Variants in TLE4 observed in about 807,000 individuals in gnomAD.
TLE4 encodes the protein transducin-like enhancer protein 4.
Under a neutral mutation model 92.8 loss-of-function variants are expected in TLE4, and 8 were observed. The observed-to-expected ratio is 0.09, with a 90% CI of 0.05 to 0.16. The LOEUF is 0.16. Among genes scored for constraint, TLE4 ranks in the 10% least tolerant of loss-of-function variants. TLE4 has a pLI of 1.00. For synonymous variants in TLE4, 371 were observed against 374.1 expected, an observed-to-expected ratio of 0.99 and a Z score of 0.10; for missense variants, 675 against 997.6, an observed-to-expected ratio of 0.68 and a Z score of 4.36.
chr9:79,691,987 G>A (rs1184148878), intron 8 of TLE4, among the ~76,000 whole-genome samples: 5 of 152,104 alleles, frequency 3.3e-5, no homozygotes, highest in Non-Finnish European at 5.9e-5. Flanking sequence ...GTGCCTTAGG[G>A]CCCAGCAGAA....
At chr9:79,678,770 C>A (rs967719416) in intron 8 of TLE4, among the ~76,000 whole-genome samples, 5 of 151,820 alleles carry the variant, frequency 3.3e-5, no homozygotes, top group Admixed American at 1.3e-4. Context: ...ATCCCTCCCC[C>A]CTGCCCCCAC....
At chr9:79,671,331 T>C in intron 8 of TLE4, 1 of 450,604 alleles carries the variant, frequency 2.2e-6, no homozygotes, top group Non-Finnish European at 4.5e-6. Flanking sequence ...TGTTGTGTGC[T>C]TCTACTGGTA....
chr9:79,678,248 C>A (rs3898860), intron 8 of TLE4, among the ~76,000 whole-genome samples: 3,631 of 152,136 alleles, frequency 0.024, 148 homozygotes, highest in African/African-American at 0.082. Flanking sequence ...ATTCTTTTGT[C>A]ATAATCCTGA....
chr9:79,586,403 T>C (rs528388379), intron 4 of TLE4, among the ~76,000 whole-genome samples: 1 of 152,156 alleles, frequency 6.6e-6, no homozygotes, highest in African/African-American at 2.4e-5. Flanking sequence ...CTTCTGAAAT[T>C]GTATGAATTA....
At chr9:79,669,251 T>G (rs753581588) in intron 8 of TLE4, among the ~76,000 whole-genome samples, 17 of 152,148 alleles carry the variant, frequency 1.1e-4, no homozygotes, top group Non-Finnish European at 2.1e-4. Flanking sequence ...CTGAACAGTT[T>G]ATCTAAATAG....
At chr9:79,615,163 C>T (rs1038749603) in intron 5 of TLE4, among the ~76,000 whole-genome samples, 1 of 152,004 alleles carries the variant, frequency 6.6e-6, no homozygotes, top group African/African-American at 2.4e-5. Flanking sequence ...TGCTTCTGCC[C>T]TGAAGCCAGA....
intron 9 of TLE4, among the ~76,000 whole-genome samples, chr9:79,705,630 A>C (rs2071327876): frequency 6.6e-6 from 1 of 152,230 alleles, no homozygotes; most frequent in South Asian, 2.1e-4. Flanking sequence ...CATCAGCTTC[A>C]AGTTTGTAAC....
rs1437522426 is a variant in TLE4, at chr9:79,708,014, CTTCCAT to C, written c.937-100_937-95del. 5 of 1,239,852 alleles carry C rather than the reference CTTCCAT, an allele frequency of 4.0e-6. No homozygotes were observed. The African/African-American group carries it at 6.1e-5, about 15-fold the overall frequency. 76.8% of individuals were successfully genotyped at this position (1,239,852 alleles called of 1,614,324 possible). Reference sequence around the variant, plus strand: ...AATCAAGGCCCAAGCTGAAGAACCTCTTCCATTTCTTTTCCTCCTTTCCTTTTCTTT... The same window carrying C: ...AATCAAGGCCCAAGCTGAAGAACCTCTTCTTTTCCTCCTTTCCTTTTCTTT... On this transcript the variant is annotated intron_variant, in intron 11 of 19. Coordinates refer to ENST00000376552, the MANE Select transcript of TLE4 (RefSeq NM_007005.6).
At chr9:79,692,499 A>G (rs568020118) in intron 8 of TLE4, among the ~76,000 whole-genome samples, 2 of 152,336 alleles carry the variant, frequency 1.3e-5, no homozygotes, top group South Asian at 2.1e-4. Context: ...AGAAACAATC[A>G]TGAAAGGAAG....
intron 2 of TLE4, chr9:79,574,129 C>G (rs2036902907): frequency 4.6e-5 from 8 of 173,696 alleles, no homozygotes. Flanking sequence ...CTTTATTACT[C>G]CGGACTTGAT....
At chr9:79,614,611 A>T (rs1335100707) in intron 5 of TLE4, among the ~76,000 whole-genome samples, 10 of 152,154 alleles carry the variant, frequency 6.6e-5, no homozygotes, top group African/African-American at 2.2e-4. Flanking sequence ...AACTGTTGTC[A>T]TACCACTTAA....
intron 8 of TLE4, among the ~76,000 whole-genome samples, chr9:79,701,484 T>A (rs1449375055): frequency 6.6e-6 from 1 of 152,236 alleles, no homozygotes; most frequent in Admixed American, 6.5e-5. Context: ...TTTTTCCTCT[T>A]AAACAATGTG....
chr9:79,676,705 G>C (rs556421614), intron 8 of TLE4, among the ~76,000 whole-genome samples: 97 of 152,238 alleles, frequency 6.4e-4, no homozygotes, highest in Non-Finnish European at 1.3e-3. Flanking sequence ...CCTTATCTAT[G>C]ACGTCTGTTC....
chr9:79,658,277 T>C (rs2060040418), intron 8 of TLE4, among the ~76,000 whole-genome samples: 2 of 152,226 alleles, frequency 1.3e-5, no homozygotes, highest in Admixed American at 1.3e-4. Flanking sequence ...GTAATTTTTG[T>C]TGGCATAATG....
At chr9:79,627,287 C>G in intron 5 of TLE4, 87 bp from the exon 6 acceptor site, 1 of 1,359,974 alleles carries the variant, frequency 7.4e-7, no homozygotes, top group East Asian at 2.3e-5. Flanking sequence ...TTGCATGTAA[C>G]TGAAGTTAGA....
At chr9:79,661,850 G>T (rs1372056457) in intron 8 of TLE4, among the ~76,000 whole-genome samples, 1 of 152,140 alleles carries the variant, frequency 6.6e-6, no homozygotes, top group African/African-American at 2.4e-5. Context: ...GAGAGTTCTA[G>T]TATTGTAATG....
chr9:79,633,778 A>G (rs1216814302), intron 6 of TLE4, among the ~76,000 whole-genome samples: 1 of 152,150 alleles, frequency 6.6e-6, no homozygotes, highest in African/African-American at 2.4e-5. Context: ...CAACTTCCGT[A>G]TAGTCAGAGA....
At chr9:79,667,941 G>A (rs1241736496) in intron 8 of TLE4, among the ~76,000 whole-genome samples, 1 of 152,224 alleles carries the variant, frequency 6.6e-6, no homozygotes, top group Non-Finnish European at 1.5e-5. Context: ...TGGACAGCTG[G>A]AAGTGCCACA....
At chr9:79,573,863 C>A in intron 2 of TLE4, 77 bp downstream of exon 2, 1 of 1,080,428 alleles carries the variant, frequency 9.3e-7, no homozygotes, top group Non-Finnish European at 1.3e-6. Context: ...AAACACTTAC[C>A]CTCCTCCTTT....
Sources: gnomAD v4.1 joint callset for allele counts (sites outside exome capture counted in the v4.1 genomes callset) on GRCh38, gnomAD v4.1.1 for gene constraint, MANE v1.5 for transcripts, NCBI Gene and HGNC (gene_info 2026-07-23, HGNC 2026-07-21) for gene names.